The following PCSK6 variants were observed in gnomAD, a reference collection of about 807,000 sequenced individuals.
The protein encoded by PCSK6 is paired basic amino acid cleaving enzyme 4.
PCSK6 carries 85 observed loss-of-function variants against 123.3 expected under a neutral mutation model. The observed-to-expected ratio is 0.69, with a 90% confidence interval of 0.58 to 0.83. The LOEUF is 0.83. PCSK6 is among the 40% of genes least tolerant of loss of function. The probability of loss-of-function intolerance (pLI) is 0.00; values close to 1 mark genes in which losing one functional copy is unlikely to be tolerated. For synonymous variants in PCSK6, 508 were observed against 516.0 expected (o/e 0.98, Z 0.21); for missense variants, 1,191 against 1,282.3 (o/e 0.93, Z 1.09).
At chr15:101,483,436 CT>C (rs1255026904) in intron 1 of PCSK6, among the ~76,000 whole-genome samples, 2 of 152,188 alleles carry the variant, frequency 1.3e-5, no homozygotes, top group African/African-American at 4.8e-5. Context: ...TCATTTAAGG[CT>C]CTTAGATCTT....
rs76177428 is a variant in PCSK6 at position 101,475,887 on chromosome 15, A to G, written c.297+13487T>C. Among the ~76,000 whole-genome samples the G allele has an allele frequency of 4.3e-3, 660 of 152,302 alleles. 7 individuals are homozygous for G. Among genetic ancestry groups the G allele is most frequent in the African/African-American group, 0.014 (596 of 41,554 alleles). On this transcript the variant is annotated intron_variant, in intron 1 of 21. Transcript: ENST00000611716. ...CCTATAAGAACTGGCAAATATGACA[A>G]TTGGTCATCACTACACAAAATCGGT... is the stretch of plus-strand genomic sequence containing the variant.
In PCSK6 at chr15:101,305,267, C is replaced by T. The variant is rs1358090288; in HGVS notation, c.2901G>A (p.Leu967=). 11 of 1,610,960 alleles carry T rather than the reference C, an allele frequency of 6.8e-6. No individual in the cohort carries two copies. The highest frequency in any genetic ancestry group is 8.5e-6 in the Non-Finnish European group (10 of 1,179,450). Residue 967 remains leucine, a synonymous_variant, in exon 22 of 22, where the codon CTG becomes CTA. Transcript: ENST00000611716. The surrounding 1 kb of genome is among the most constrained non-coding windows in gnomAD (Gnocchi z 4.8). ...GGGCAGCTAGGCACCCTTACCCGGC[C>T]AGGAGGCACGTGCGGCAGCAGAACT... ...FIQFCCRTCL[L]AG
At chr15:101,320,675 C>T (rs926453974) in intron 18 of PCSK6, among the ~76,000 whole-genome samples, 2 of 152,240 alleles carry the variant, frequency 1.3e-5, no homozygotes, top group African/African-American at 2.4e-5. Flanking sequence ...ATAACTGACA[C>T]TCCCCTGCAA....
intron 1 of PCSK6, among the ~76,000 whole-genome samples, chr15:101,446,940 T>A (rs902843169): frequency 6.6e-6 from 1 of 152,128 alleles, no homozygotes; most frequent in South Asian, 2.1e-4. Flanking sequence ...CTTTGCAACA[T>A]CAGGCACCAG....
rs2057600913 is a variant in PCSK6 at position 101,471,381 on chromosome 15, G to A, written c.297+17993C>T. On this transcript the variant is annotated intron_variant, in intron 1 of 21. Coordinates refer to ENST00000611716, the MANE Select transcript of PCSK6 (RefSeq NM_002570.5). ...TACCTTTCTCCCAACATCTTGCTAT[G>A]AAATTTTTCAAACATGCACCAATGT... Among the ~76,000 whole-genome samples, 7 of 143,794 alleles carry A rather than the reference G, an allele frequency of 4.9e-5. No individual in the cohort carries two copies. The Admixed American group carries it at 4.9e-4, about 10-fold the overall frequency. The allele number at this position is 143,794 out of a possible 152,430, so 94.3% of individuals were successfully genotyped here.
chr15:101,449,530 T>C (rs1281085581), intron 1 of PCSK6, among the ~76,000 whole-genome samples: 1 of 152,228 alleles, frequency 6.6e-6, no homozygotes, highest in Non-Finnish European at 1.5e-5. Flanking sequence ...TTTCCCACAG[T>C]TCTCACATCC....
At chr15:101,337,726 T>A (rs1223408523) in intron 13 of PCSK6, among the ~76,000 whole-genome samples, 1 of 152,246 alleles carries the variant, frequency 6.6e-6, no homozygotes, top group African/African-American at 2.4e-5. Flanking sequence ...AGGGAACATG[T>A]CTCTCTTGTT....
At chr15:101,353,415 G>T (rs928452287) in intron 13 of PCSK6, among the ~76,000 whole-genome samples, 1 of 152,164 alleles carries the variant, frequency 6.6e-6, no homozygotes, top group Non-Finnish European at 1.5e-5. Context: ...ACCTCCTGCT[G>T]TGTAGTCTAG....
intron 1 of PCSK6, among the ~76,000 whole-genome samples, chr15:101,453,459 C>T (rs549266058): frequency 5.1e-4 from 78 of 152,320 alleles, no homozygotes; most frequent in Non-Finnish European, 9.0e-4. Flanking sequence ...GAGGTACCCC[C>T]GATGCCCACA....
chr15:101,398,782 A>G lies in PCSK6; in HGVS notation c.824-206T>C, dbSNP rs1461857049. The stretch of plus-strand genomic sequence containing the variant: ...TCAGGCCAGGGCAACAAAAGAAAGC[A>G]AGCTACGTCCCAAAGAGAGGGTTCA... On this transcript the variant is annotated intron_variant, in intron 6 of 21. Coordinates refer to ENST00000611716, the MANE Select transcript of PCSK6 (RefSeq NM_002570.5). The surrounding 1 kb of genome is among the most constrained non-coding windows in gnomAD (Gnocchi z 4.6). Among the ~76,000 whole-genome samples the G allele has an allele frequency of 6.6e-6, 1 of 152,178 alleles. No individual in the cohort carries two copies. Among genetic ancestry groups the G allele is most frequent in the Non-Finnish European group, 1.5e-5 (1 of 68,040 alleles).
intron 13 of PCSK6, among the ~76,000 whole-genome samples, chr15:101,341,987 G>A (rs777192136): frequency 5.9e-5 from 9 of 151,868 alleles, no homozygotes; most frequent in Non-Finnish European, 1.0e-4. Context: ...AAAATTAGCC[G>A]GGCGCGGTGG....
At chr15:101,448,732 G>A (rs573176554) in intron 1 of PCSK6, among the ~76,000 whole-genome samples, 104 of 152,318 alleles carry the variant, frequency 6.8e-4, no homozygotes, top group Middle Eastern at 6.8e-3. Context: ...ATTCTTCACC[G>A]TTGAACCTTC....
chr15:101,464,083 A>C (rs1031189174), intron 1 of PCSK6, among the ~76,000 whole-genome samples: 5 of 152,102 alleles, frequency 3.3e-5, no homozygotes, highest in African/African-American at 1.2e-4. Context: ...ACTCTCACCC[A>C]CCATCTGCAG....
intron 7 of PCSK6, 65 bp from the exon 8 acceptor site, chr15:101,393,489 G>A (rs1021991317): frequency 2.6e-5 from 32 of 1,250,386 alleles, no homozygotes; most frequent in African/African-American, 9.0e-5. Context: ...GTCTCCCCCC[G>A]AACCTAGAGT....
rs1302417670 is a variant in PCSK6, at chr15:101,453,641, T to C, written c.298-9981A>G. On this transcript the variant is annotated intron_variant, in intron 1 of 21. Transcript: ENST00000611716. ...CATTGTACATGTTACCACCACTGTG[T>C]AGCCTGCCTAACACATGCCTGCAGG... 2.6e-5 allele frequency among the ~76,000 whole-genome samples: 4 copies of C among 152,326 alleles called. No individual in the cohort carries two copies. In the East Asian group the frequency reaches 7.7e-4, roughly 29 times the overall value.
chr15:101,366,450 G>C, intron 12 of PCSK6, 118 bp from the exon 13 acceptor site: 2 of 1,020,914 alleles, frequency 2.0e-6, no homozygotes, highest in Non-Finnish European at 2.8e-6. Flanking sequence ...CGTACCCCCA[G>C]GGTAGCGGGG....
At chr15:101,475,132 G>A (rs895755920) in intron 1 of PCSK6, among the ~76,000 whole-genome samples, 2 of 152,146 alleles carry the variant, frequency 1.3e-5, no homozygotes, top group African/African-American at 4.8e-5. Flanking sequence ...TAAAACATTT[G>A]GACTCCGCCC....
chr15:101,411,726 C>T (rs948308843), intron 6 of PCSK6, among the ~76,000 whole-genome samples: 1 of 152,082 alleles, frequency 6.6e-6, no homozygotes. Flanking sequence ...CGACCTATGG[C>T]AGCACAGCCT....
At chr15:101,418,185 G>C (rs186554413) in intron 6 of PCSK6, among the ~76,000 whole-genome samples, 3 of 152,206 alleles carry the variant, frequency 2.0e-5, no homozygotes, top group Admixed American at 2.0e-4. Context: ...AACCTGAATA[G>C]GTCTAGTCCT....
Sources: gnomAD v4.1 joint callset for allele counts (sites outside exome capture counted in the v4.1 genomes callset) on GRCh38, gnomAD v4.1.1 for gene constraint, Gnocchi (gnomAD v3.1) non-coding constraint, MANE v1.5 for transcripts, NCBI Gene and HGNC (gene_info 2026-07-23, HGNC 2026-07-21) for gene names.